Variants in POLR3GL observed in about 807,000 individuals in gnomAD.
The protein encoded by POLR3GL is DNA-directed RNA polymerase III subunit RPC7-like.
In POLR3GL, 26 loss-of-function variants were observed where a neutral mutation model predicts 32.4. The observed-to-expected ratio is 0.80, with a 90% CI of 0.59 to 1.11. POLR3GL has a LOEUF of 1.11. POLR3GL is among the 50% of genes most tolerant of loss of function. The probability of loss-of-function intolerance (pLI) is 0.00; values close to 1 mark genes in which losing one functional copy is unlikely to be tolerated. For synonymous variants in POLR3GL, 95 were observed against 98.7 expected (o/e 0.96, Z 0.22); for missense variants, 229 against 280.1 (o/e 0.82, Z 1.30).
chr1:145,970,844 C>G (rs1278996821), intron 1 of POLR3GL, among the ~76,000 whole-genome samples: 2 of 136,916 alleles, frequency 1.5e-5, no homozygotes, highest in Non-Finnish European at 3.1e-5. Flanking sequence ...CCATTGCACT[C>G]CAGCCGGGCA....
intron 4 of POLR3GL, 94 bp from the exon 5 acceptor site, chr1:145,977,389 C>A: frequency 7.8e-7 from 1 of 1,277,616 alleles, no homozygotes. Context: ...TCCTTCCTCT[C>A]CTTTAAAACC....
intron 3 of POLR3GL, among the ~76,000 whole-genome samples, chr1:145,976,120 T>C (rs1650542848): frequency 6.6e-6 from 1 of 151,196 alleles, no homozygotes; most frequent in African/African-American, 2.4e-5. Flanking sequence ...ACTAAAAATA[T>C]AAAAATTAGC....
In POLR3GL at chr1:145,976,931, AGT is replaced by A. The variant is rs1650581921; in HGVS notation, c.257-152_257-151del. Among the ~76,000 whole-genome samples, 138 of 125,580 alleles carry A rather than the reference AGT, an allele frequency of 1.1e-3. 58 individuals are homozygous for A. Among genetic ancestry groups the A allele is most frequent in the South Asian group, 1.8e-3 (7 of 3,960 alleles). The allele number at this position is 125,580 out of a possible 152,430, so 82.4% of individuals were successfully genotyped here. On this transcript the variant is annotated intron_variant, in intron 3 of 7. Transcript: ENST00000369314. The stretch of plus-strand genomic sequence containing the variant: ...CTGTCTCAAAAAAAAAAAAAAAAAA[AGT>A]AGATAAGGTCCTCACTGAAGCTGAC...
intron 1 of POLR3GL, among the ~76,000 whole-genome samples, chr1:145,969,011 T>A (rs1553762296): frequency 6.6e-6 from 1 of 152,214 alleles, no homozygotes; most frequent in African/African-American, 2.4e-5. Context: ...GGCTTGAAAC[T>A]TCCCAGATTC....
chr1:145,965,805 C>T (rs1649992534), intron 1 of POLR3GL, among the ~76,000 whole-genome samples: 1 of 152,104 alleles, frequency 6.6e-6, no homozygotes, highest in Non-Finnish European at 1.5e-5. Context: ...AAATGCATTC[C>T]ACACTTCCAC....
In POLR3GL at chr1:145,974,862, CA is replaced by C. The variant is rs1559255909; in HGVS notation, c.-3del. On this transcript the variant is annotated 5_prime_UTR_variant, in exon 2 of 8. Transcript: ENST00000369314. ...GATCTCTGAATACCCAGGCCCCCTC[CA>C]CCATGGCCAGCCGGGGTGGGGGCCG... 6.6e-7 allele frequency: 1 copy of C among 1,511,946 alleles called. No individual in the cohort carries two copies. The highest frequency in any genetic ancestry group is 2.7e-5 in the Admixed American group (1 of 36,966). 93.7% of individuals were successfully genotyped at this position (1,511,946 alleles called of 1,614,324 possible). A position where few individuals can be genotyped will look rare whatever the true frequency, so the allele number is the denominator to read the frequency against.
intron 1 of POLR3GL, among the ~76,000 whole-genome samples, chr1:145,969,645 G>A (rs1453029348): frequency 6.6e-5 from 10 of 150,586 alleles, no homozygotes; most frequent in Admixed American, 2.0e-4. Flanking sequence ...ACCTGGCTGG[G>A]CATGGTGGCT....
intron 4 of POLR3GL, 45 bp downstream of exon 4, chr1:145,977,197 T>C: frequency 2.6e-6 from 4 of 1,511,976 alleles, no homozygotes; most frequent in South Asian, 2.2e-5. Context: ...TTCAAATGCA[T>C]GGGATGCTTC....
intron 1 of POLR3GL, among the ~76,000 whole-genome samples, chr1:145,970,753 G>A (rs1553762524): frequency 1.3e-5 from 2 of 151,592 alleles, no homozygotes; most frequent in East Asian, 3.9e-4. Context: ...GCGGGCTCCT[G>A]TAATCCCAAC....
chr1:145,978,100 A>C lies in POLR3GL; in HGVS notation c.570+4A>C. The C allele has an allele frequency of 6.3e-7, 1 of 1,588,806 alleles. No homozygotes were observed. Among genetic ancestry groups the C allele is most frequent in the Middle Eastern group, 1.7e-4 (1 of 5,912 alleles). ...TGATGAAGAAGAACATGAAGAGGTG[A>C]AGGGGACTCCTTCCACCTTAGTCCC... On this transcript the variant is annotated splice_donor_region_variant and intron_variant, in intron 7 of 7. Coordinates refer to ENST00000369314, the MANE Select transcript of POLR3GL (RefSeq NM_032305.3).
At chr1:145,977,574 G>A (rs145513465) in intron 5 of POLR3GL, 35 bp downstream of exon 5, 21 of 1,592,868 alleles carry the variant, frequency 1.3e-5, no homozygotes, top group Admixed American at 1.7e-5. Flanking sequence ...GGAGAAGAGA[G>A]GTTTCCTTCA....
At chr1:145,972,334 C>T (rs988777194) in intron 1 of POLR3GL, among the ~76,000 whole-genome samples, 3 of 149,260 alleles carry the variant, frequency 2.0e-5, no homozygotes, top group Non-Finnish European at 4.4e-5. Context: ...GAGCCGAGAT[C>T]GTGCCGTTGT....
At chr1:145,973,961 T>TAAAAAA (rs35199064) in intron 1 of POLR3GL, among the ~76,000 whole-genome samples, 1 of 104,938 alleles carries the variant, frequency 9.5e-6, no homozygotes, top group African/African-American at 3.7e-5. Context: ...TCCAGTCTCT[T>TAAAAAA]AAAAAAAAAA....
intron 1 of POLR3GL, 110 bp from the exon 2 acceptor site, chr1:145,974,715 T>C (rs1650468108): frequency 2.8e-6 from 2 of 722,544 alleles, no homozygotes; most frequent in African/African-American, 3.7e-5. Flanking sequence ...ATTTGTTGAA[T>C]GACATTAACT....
At chr1:145,973,815 A>T (rs782315059) in intron 1 of POLR3GL, among the ~76,000 whole-genome samples, 10 of 151,952 alleles carry the variant, frequency 6.6e-5, no homozygotes, top group Non-Finnish European at 1.3e-4. Flanking sequence ...GACCTCTATA[A>T]GGGTCCTCCC....
intron 1 of POLR3GL, among the ~76,000 whole-genome samples, chr1:145,967,030 C>A (rs934196348): frequency 4.6e-5 from 7 of 152,104 alleles, no homozygotes; most frequent in Admixed American, 2.0e-4. Context: ...TTTAACTGGA[C>A]AAATTGCTCC....
chr1:145,967,629 C>T (rs1650098051), intron 1 of POLR3GL, among the ~76,000 whole-genome samples: 2 of 152,176 alleles, frequency 1.3e-5, no homozygotes, highest in African/African-American at 4.8e-5. Flanking sequence ...CAGCGTGCCC[C>T]AGGCCTCAGT....
Position 145,978,096 on chromosome 1 carries a change from G to A in POLR3GL, c.570G>A (p.Glu190=), listed in dbSNP as rs1559258081. 2.5e-6 allele frequency: 4 copies of A among 1,591,432 alleles called. No individual in the cohort carries two copies. The highest frequency in any genetic ancestry group is 3.4e-6 in the Non-Finnish European group (4 of 1,167,808). Reference sequence around the variant, plus strand: ...AGTATGATGAAGAAGAACATGAAGAGGTGAAGGGGACTCCTTCCACCTTAG... The same window carrying A: ...AGTATGATGAAGAAGAACATGAAGAAGTGAAGGGGACTCCTTCCACCTTAG... ...EEEYDEEEHE[E]ETDYIMSYFD... is the part of the protein sequence containing the mutation. Residue 190 remains glutamate (E), a splice_region_variant and synonymous_variant, in exon 7 of 8, where the codon GAG becomes GAA. Transcript: ENST00000369314.
At chr1:145,977,375 C>G in intron 4 of POLR3GL, 108 bp from the exon 5 acceptor site, 1 of 1,149,134 alleles carries the variant, frequency 8.7e-7, no homozygotes, top group South Asian at 1.3e-5. Flanking sequence ...TTGGCCCAGC[C>G]CCTTCCTTCC....
Sources: gnomAD v4.1 joint callset for allele counts (sites outside exome capture counted in the v4.1 genomes callset) on GRCh38, gnomAD v4.1.1 for gene constraint, MANE v1.5 for transcripts, NCBI Gene and HGNC (gene_info 2026-07-23, HGNC 2026-07-21) for gene names.